The following PDZRN4 variants were observed in gnomAD, a reference collection of about 807,000 sequenced individuals.
PDZRN4 encodes the protein PDZ domain-containing RING finger protein 4.
PDZRN4 carries 70 observed loss-of-function variants against 99.0 expected under a neutral mutation model. The observed-to-expected ratio is 0.71, with a 90% CI of 0.58 to 0.86. The LOEUF is 0.86. PDZRN4 is among the 40% of genes least tolerant of loss of function. The pLI, the probability that PDZRN4 is intolerant of heterozygous loss-of-function variation, is 0.00. For missense variants in PDZRN4, 1,474 were observed against 1,331.2 expected (o/e 1.11, Z -1.67); for synonymous variants, 551 against 501.6 (o/e 1.10, Z -1.32).
At chr12:41,402,194 C>T (rs9668306) in intron 3 of PDZRN4, among the ~76,000 whole-genome samples, 121 of 5,906 alleles carry the variant, frequency 0.02, 11 homozygotes, top group African/African-American at 0.14. Context: ...TATATATACA[C>T]ACACACTGAG....
Position 41,366,037 on chromosome 12 carries a change from T to C in PDZRN4, c.844-140419T>C, listed in dbSNP as rs549957388. 5.3e-5 allele frequency among the ~76,000 whole-genome samples: 8 copies of C among 152,260 alleles called. No homozygotes were observed. The South Asian group carries it at 1.7e-3, about 32-fold the overall frequency. Reference sequence around the variant, plus strand: ...GAAGGAGGCCAAGATAAATTTCTGCTCTGAGCAGCTGCTCCCACCACAGAT... The same window carrying C: ...GAAGGAGGCCAAGATAAATTTCTGCCCTGAGCAGCTGCTCCCACCACAGAT... On this transcript the variant is annotated intron_variant, in intron 3 of 9. Coordinates refer to ENST00000402685, the MANE Select transcript of PDZRN4 (RefSeq NM_001164595.2).
At chr12:41,281,586 G>A (rs576913980) in intron 3 of PDZRN4, among the ~76,000 whole-genome samples, 48 of 152,208 alleles carry the variant, frequency 3.2e-4, no homozygotes, top group Middle Eastern at 3.4e-3. Context: ...AGTATCAATA[G>A]CCAAATTGAT....
chr12:41,280,840 CCCAGCACAGCGTT>C, intron 3 of PDZRN4, among the ~76,000 whole-genome samples: 1 of 152,268 alleles, frequency 6.6e-6, no homozygotes, highest in South Asian at 2.1e-4. Flanking sequence ...CAGCGGATCT[CCCAGCACAGCGTT>C]CCAGCTCTGA....
intron 3 of PDZRN4, among the ~76,000 whole-genome samples, chr12:41,416,790 G>A (rs1333870620): frequency 1.3e-5 from 2 of 152,178 alleles, no homozygotes; most frequent in African/African-American, 4.8e-5. Flanking sequence ...AGATGTTCTA[G>A]TTTTGTTCAA....
intron 3 of PDZRN4, among the ~76,000 whole-genome samples, chr12:41,230,711 G>T (rs184233415): frequency 6.6e-6 from 1 of 151,798 alleles, no homozygotes; most frequent in Non-Finnish European, 1.5e-5. Context: ...AAAATTTTTC[G>T]TCTTTTTTGA....
intron 3 of PDZRN4, among the ~76,000 whole-genome samples, chr12:41,368,351 G>A (rs544770785): frequency 9.9e-4 from 151 of 152,106 alleles, no homozygotes; most frequent in African/African-American, 3.0e-3. Flanking sequence ...TTGACTTTAT[G>A]CTTCACTTTC....
At chr12:41,220,037 AAGG>A (rs1417420973) in intron 3 of PDZRN4, among the ~76,000 whole-genome samples, 4 of 152,232 alleles carry the variant, frequency 2.6e-5, no homozygotes, top group African/African-American at 7.2e-5. Context: ...GCCCAGCAAT[AAGG>A]AGAACCTAGA....
chr12:41,377,161 T>C (rs955912137), intron 3 of PDZRN4, among the ~76,000 whole-genome samples: 1 of 152,196 alleles, frequency 6.6e-6, no homozygotes, highest in Non-Finnish European at 1.5e-5. Context: ...TCAGGAAGTG[T>C]GATGTCTCCA....
intron 3 of PDZRN4, among the ~76,000 whole-genome samples, chr12:41,419,821 G>A (rs562194657): frequency 4.6e-5 from 7 of 152,250 alleles, no homozygotes; most frequent in Non-Finnish European, 8.8e-5. Context: ...ACATGCAGAC[G>A]CCTTATTGGT....
chr12:41,568,719 C>T lies in PDZRN4; in HGVS notation c.1584+820C>T, dbSNP rs78575546. The stretch of plus-strand genomic sequence containing the variant: ...TGTATTCTAGATTTTTTATGTTACA[C>T]TCATGTCATTTATCTGCCTGATATA... On this transcript the variant is annotated intron_variant, in intron 9 of 9. Coordinates refer to ENST00000402685, the MANE Select transcript of PDZRN4 (RefSeq NM_001164595.2). Among the ~76,000 whole-genome samples the T allele has an allele frequency of 8.1e-3, 1,237 of 152,130 alleles. 10 individuals carry two copies. Among genetic ancestry groups the T allele is most frequent in the East Asian group, 0.034 (174 of 5,192 alleles).
chr12:41,188,613 C>T lies in PDZRN4; in HGVS notation c.158C>T (p.Pro53Leu), dbSNP rs745715011. Residue 53 changes from proline to leucine, a missense_variant, in exon 1 of 10, where the codon CCG becomes CTG. Pro to Leu is a moderately conservative substitution (Grantham distance 98, BLOSUM62 -3). Coordinates refer to ENST00000402685, the MANE Select transcript of PDZRN4 (RefSeq NM_001164595.2). The part of the protein sequence containing the change: ...LPWAVRRRRC[P>L]LQCQPLAPGE... ...TGGGCGGTGCGGAGGCGCCGGTGCC[C>T]GCTGCAGTGCCAGCCCTTGGCGCCC... is the stretch of plus-strand genomic sequence containing the variant. 4.5e-6 allele frequency: 7 copies of T among 1,539,216 alleles called. No homozygotes were observed. Among genetic ancestry groups the T allele is most frequent in the Admixed American group, 1.9e-5 (1 of 51,696 alleles).
chr12:41,280,603 C>A (rs756904506), intron 3 of PDZRN4, among the ~76,000 whole-genome samples: 1 of 152,140 alleles, frequency 6.6e-6, no homozygotes, highest in Non-Finnish European at 1.5e-5. Flanking sequence ...CCAGGAAGCT[C>A]GAACTGGGTG....
At chr12:41,452,835 G>A (rs1353635625) in intron 3 of PDZRN4, among the ~76,000 whole-genome samples, 1 of 152,016 alleles carries the variant, frequency 6.6e-6, no homozygotes, top group Non-Finnish European at 1.5e-5. Context: ...TTGCTGCAAC[G>A]AAAAAGTGTT....
intron 3 of PDZRN4, among the ~76,000 whole-genome samples, chr12:41,261,361 A>G (rs1420365948): frequency 1.3e-5 from 2 of 152,246 alleles, no homozygotes; most frequent in African/African-American, 4.8e-5. Context: ...ATTATTTGTT[A>G]GAAATCTAAT....
At chr12:41,374,416 G>A (rs1483154346) in intron 3 of PDZRN4, among the ~76,000 whole-genome samples, 1 of 152,132 alleles carries the variant, frequency 6.6e-6, no homozygotes, top group Non-Finnish European at 1.5e-5. Context: ...GAGAAAAAAT[G>A]TTAGTGGGGC....
chr12:41,374,988 C>A (rs902265850), intron 3 of PDZRN4, among the ~76,000 whole-genome samples: 1 of 152,130 alleles, frequency 6.6e-6, no homozygotes, highest in Non-Finnish European at 1.5e-5. Context: ...TCTCTCTCTT[C>A]AAGTCACTTG....
chr12:41,231,747 A>T (rs1031246619), intron 3 of PDZRN4, among the ~76,000 whole-genome samples: 1 of 152,084 alleles, frequency 6.6e-6, no homozygotes. Context: ...CATTTTCTGA[A>T]CTGTGATTTC....
intron 3 of PDZRN4, among the ~76,000 whole-genome samples, chr12:41,468,680 C>A: frequency 6.6e-6 from 1 of 152,128 alleles, no homozygotes; most frequent in Non-Finnish European, 1.5e-5. Flanking sequence ...CTTTATGGGT[C>A]TTTCTCTATA....
At chr12:41,515,659 T>C (rs1396123851) in intron 5 of PDZRN4, among the ~76,000 whole-genome samples, 2 of 152,060 alleles carry the variant, frequency 1.3e-5, no homozygotes, top group Non-Finnish European at 2.9e-5. Flanking sequence ...TAAGTGATCA[T>C]ATATCGGAGC....
Sources: gnomAD v4.1 joint callset for allele counts (sites outside exome capture counted in the v4.1 genomes callset) on GRCh38, gnomAD v4.1.1 for gene constraint, MANE v1.5 for transcripts, NCBI Gene and HGNC (gene_info 2026-07-23, HGNC 2026-07-21) for gene names.